The following DEPTOR variants were observed in gnomAD, a reference collection of about 807,000 sequenced individuals.
DEPTOR encodes DEP domain containing MTOR interacting protein, also known as DEP domain-containing mTOR-interacting protein.
DEPTOR carries 41 observed loss-of-function variants against 41.6 expected under a neutral mutation model. That is an observed-to-expected ratio of 0.98 (90% confidence interval 0.77 to 1.28). The LOEUF (loss-of-function observed/expected upper bound fraction) is 1.28. Among genes scored for constraint, DEPTOR ranks in the 50% most tolerant of loss-of-function variants. The pLI is 0.00. For missense variants in DEPTOR, 514 were observed against 527.9 expected (o/e 0.97, Z 0.26); for synonymous variants, 195 against 192.3 (o/e 1.01, Z -0.12).
At chr8:119,956,800 T>A (rs995738478) in intron 3 of DEPTOR, among the ~76,000 whole-genome samples, 1 of 136,548 alleles carries the variant, frequency 7.3e-6, no homozygotes, top group Non-Finnish European at 1.5e-5. Context: ...AATGTCACAA[T>A]CTCAGCTCAC....
chr8:119,877,044 G>C (rs1354897864), intron 1 of DEPTOR, among the ~76,000 whole-genome samples: 3 of 152,138 alleles, frequency 2.0e-5, no homozygotes, highest in Non-Finnish European at 4.4e-5. Context: ...GGCTGCCTGG[G>C]TTCTTATTCT....
rs1404934926 is a variant in DEPTOR, at chr8:119,928,433, T to G, written c.156T>G (p.Asp52Glu). 1.9e-6 allele frequency: 3 copies of G among 1,613,938 alleles called. No individual in the cohort carries two copies. Among genetic ancestry groups the G allele is most frequent in the African/African-American group, 2.7e-5 (2 of 74,938 alleles). Residue 52 changes from aspartate (D) to glutamate (E), a missense_variant, in exon 2 of 9, where the codon GAT (aspartate) becomes GAG (glutamate). By Grantham distance (45) the Asp-to-Glu change is conservative. Coordinates refer to ENST00000286234, the MANE Select transcript of DEPTOR (RefSeq NM_022783.4). ...TGCACGAAGAAAAGGTTATTAAAGA[T>G]AGACGTCATCATCTCAAGACCTACC... Reference protein sequence around the residue: ...LRLHEEKVIKDRRHHLKTYPN... With the variant: ...LRLHEEKVIKERRHHLKTYPN...
chr8:119,892,263 T>C (rs1827461635), intron 1 of DEPTOR, among the ~76,000 whole-genome samples: 1 of 152,344 alleles, frequency 6.6e-6, no homozygotes, highest in South Asian at 2.1e-4. Flanking sequence ...TCTCCCAAAG[T>C]GCTGGGATTA....
chr8:119,925,296 A>G (rs927254346), intron 1 of DEPTOR, among the ~76,000 whole-genome samples: 1 of 151,994 alleles, frequency 6.6e-6, no homozygotes, highest in Admixed American at 6.6e-5. Context: ...AGACTGAGGC[A>G]GGAGAATTAC....
At chr8:119,964,797 T>A (rs1256635235) in intron 3 of DEPTOR, among the ~76,000 whole-genome samples, 1 of 152,016 alleles carries the variant, frequency 6.6e-6, no homozygotes, top group South Asian at 2.1e-4. Context: ...AGAAATTACA[T>A]GTGTGGTAGG....
At position 119,988,322 on chromosome 8, in the gene DEPTOR, C is replaced by T. The variant is rs1828855448; in HGVS notation, c.605-13203C>T. On this transcript the variant is annotated intron_variant, in intron 4 of 8. Transcript: ENST00000286234. ...GGCAATGTCCCACTCTGCTTCTGCT[C>T]GCCCTCCATGGGCTACACCCACTAT... Among the ~76,000 whole-genome samples, 3 of 152,156 alleles carry T rather than the reference C, an allele frequency of 2.0e-5. No individual in the cohort carries two copies. In the South Asian group the frequency reaches 6.2e-4, roughly 31 times the overall value.
intron 3 of DEPTOR, among the ~76,000 whole-genome samples, chr8:119,943,401 C>T (rs1232131665): frequency 6.6e-6 from 1 of 152,150 alleles, no homozygotes; most frequent in Non-Finnish European, 1.5e-5. Context: ...TCTTACATGA[C>T]AGCAGGTGAG....
intron 1 of DEPTOR, among the ~76,000 whole-genome samples, chr8:119,886,995 T>C (rs1002588346): frequency 6.6e-6 from 1 of 152,010 alleles, no homozygotes; most frequent in Non-Finnish European, 1.5e-5. Context: ...TCAAAATGTA[T>C]CCTGCCCAGT....
chr8:119,937,324 C>A (rs542723346), intron 3 of DEPTOR, among the ~76,000 whole-genome samples: 1 of 151,382 alleles, frequency 6.6e-6, no homozygotes, highest in Non-Finnish European at 1.5e-5. Context: ...CGCTTGAACC[C>A]GGGAGGCAGA....
At chr8:119,996,349 T>C (rs1231394971) in intron 4 of DEPTOR, among the ~76,000 whole-genome samples, 1 of 152,146 alleles carries the variant, frequency 6.6e-6, no homozygotes, top group East Asian at 1.9e-4. Flanking sequence ...AAATAATAAA[T>C]GTATAATTTA....
chr8:119,901,341 A>C (rs1827587334), intron 1 of DEPTOR, among the ~76,000 whole-genome samples: 1 of 152,130 alleles, frequency 6.6e-6, no homozygotes, highest in Non-Finnish European at 1.5e-5. Flanking sequence ...AGATGCACAA[A>C]CATATTAATA....
At position 120,037,401 on chromosome 8, in the gene DEPTOR, C is replaced by A. The variant is rs543349679; in HGVS notation, c.1102-12175C>A. ...ATAGAAAATGTACAAATTATTTATA[C>A]ACATCTCCAGTTATTACAAAGTGAA... On this transcript the variant is annotated intron_variant, in intron 8 of 8. Transcript: ENST00000286234. Among the ~76,000 whole-genome samples the A allele has an allele frequency of 2.0e-5, 3 of 152,196 alleles. No individual in the cohort carries two copies. In the East Asian group the frequency reaches 5.8e-4, roughly 29 times the overall value.
intron 3 of DEPTOR, among the ~76,000 whole-genome samples, chr8:119,962,186 G>T (rs954319904): frequency 8.5e-5 from 13 of 152,054 alleles, no homozygotes; most frequent in African/African-American, 2.7e-4. Flanking sequence ...GAACTTGGGA[G>T]GTGGAGGTTG....
chr8:120,030,593 G>A (rs141086556), intron 8 of DEPTOR, among the ~76,000 whole-genome samples: 395 of 132,208 alleles, frequency 3.0e-3, no homozygotes, highest in African/African-American at 0.01. Context: ...TGCAACCTCC[G>A]CCTCCTTGTT....
intron 8 of DEPTOR, 123 bp downstream of exon 8, chr8:120,009,256 CTCTT>C: frequency 1.2e-6 from 1 of 822,054 alleles, no homozygotes; most frequent in Non-Finnish European, 1.9e-6. Context: ...TTTCTGCCCT[CTCTT>C]TCTTGTTCTC....
chr8:119,981,769 C>A (rs1206170114), intron 4 of DEPTOR, among the ~76,000 whole-genome samples: 1 of 151,990 alleles, frequency 6.6e-6, no homozygotes, highest in Non-Finnish European at 1.5e-5. Context: ...GTAATCCCAG[C>A]ACTTTGGGAA....
intron 8 of DEPTOR, among the ~76,000 whole-genome samples, chr8:120,023,150 A>G (rs1812746539): frequency 6.6e-6 from 1 of 152,162 alleles, no homozygotes; most frequent in South Asian, 2.1e-4. Flanking sequence ...AGAGACAGTG[A>G]GCTGTTTGGC....
At chr8:119,875,037 T>C (rs1055528472) in intron 1 of DEPTOR, among the ~76,000 whole-genome samples, 2 of 152,172 alleles carry the variant, frequency 1.3e-5, no homozygotes, top group African/African-American at 4.8e-5. Context: ...AGACCAATAT[T>C]GGAAGTCAGA....
chr8:120,022,972 C>G (rs182504432), intron 8 of DEPTOR, among the ~76,000 whole-genome samples: 17 of 152,282 alleles, frequency 1.1e-4, no homozygotes, highest in Admixed American at 1.0e-3. Flanking sequence ...CAGTATCGGT[C>G]AGTTAGGAAT....
Sources: gnomAD v4.1 joint callset for allele counts (sites outside exome capture counted in the v4.1 genomes callset) on GRCh38, gnomAD v4.1.1 for gene constraint, MANE v1.5 for transcripts, NCBI Gene and HGNC (gene_info 2026-07-23, HGNC 2026-07-21) for gene names.